The following GNL2 variants were observed in gnomAD, a reference collection of about 807,000 sequenced individuals.
GNL2 encodes the protein nucleolar GTP-binding protein 2.
Under a neutral mutation model 92.3 loss-of-function variants are expected in GNL2, and 51 were observed. That is an observed-to-expected ratio of 0.55 (90% confidence interval 0.44 to 0.70). GNL2 has a LOEUF of 0.70. Ranked by LOEUF, GNL2 falls within the 30% of genes least tolerant of loss-of-function variation. The pLI, the probability that GNL2 is intolerant of heterozygous loss-of-function variation, is 0.00. For synonymous variants in GNL2, 283 were observed against 300.6 expected, an observed-to-expected ratio of 0.94 and a Z score of 0.61; for missense variants, 844 against 895.6, an observed-to-expected ratio of 0.94 and a Z score of 0.74.
chr1:37,582,099 T>G, intron 8 of GNL2, 124 bp downstream of exon 8: 1 of 613,700 alleles, frequency 1.6e-6, no homozygotes, highest in Middle Eastern at 2.9e-4. Flanking sequence ...TAGCTAGGAC[T>G]ACAGACCTGC....
At chr1:37,567,806 A>C in intron 14 of GNL2, 42 bp from the exon 15 acceptor site, 1 of 1,504,982 alleles carries the variant, frequency 6.6e-7, no homozygotes, top group Non-Finnish European at 9.2e-7. Context: ...TCTATTGAAA[A>C]TTTGTCTATA....
Position 37,575,668 on chromosome 1 carries a change from A to G in GNL2, c.1070T>C (p.Ile357Thr). The G allele has an allele frequency of 1.2e-6, 2 of 1,603,554 alleles. 1 individual carries two copies. The highest frequency in any genetic ancestry group is 2.2e-5 in the South Asian group (2 of 89,234). ...VWQYITLMRR[I>T]FLIDCPGVVY... Reference sequence around the variant, plus strand: ...CACACCTGGACAGTCAATCAGGAATATCCGACGCATCAAAGTAATATACTG... The same window carrying G: ...CACACCTGGACAGTCAATCAGGAATGTCCGACGCATCAAAGTAATATACTG... The change falls in exon 10 of 16, where the codon ATA (isoleucine) becomes ACA (threonine). Residue 357 changes from isoleucine (I) to threonine (T), a missense_variant. By Grantham distance (89) the Ile-to-Thr change is moderately conservative. Coordinates refer to ENST00000373062, the MANE Select transcript of GNL2 (RefSeq NM_013285.3). The surrounding 1 kb of genome is among the most constrained non-coding windows in gnomAD (Gnocchi z 4.1).
At chr1:37,595,535 C>T (rs1376478816) in intron 1 of GNL2, among the ~76,000 whole-genome samples, 1 of 152,224 alleles carries the variant, frequency 6.6e-6, no homozygotes, top group Non-Finnish European at 1.5e-5. Context: ...GTTGACTACA[C>T]TTTGGCCTGC....
intron 8 of GNL2, 34 bp from the exon 9 acceptor site, chr1:37,576,590 C>G: frequency 6.2e-7 from 1 of 1,605,754 alleles, no homozygotes; most frequent in Non-Finnish European, 8.5e-7. Context: ...CACATACATG[C>G]AGTCATATAT....
chr1:37,582,240 G>A lies in GNL2; in HGVS notation c.892C>T (p.Leu298=). Reference sequence around the variant, plus strand: ...CTCAATACCTTTCCAAACTGCCGCAGAAGCTGAATGAATGCTCCCTTGCCA... The same window carrying A: ...CTCAATACCTTTCCAAACTGCCGCAAAAGCTGAATGAATGCTCCCTTGCCA... ...PFGKGAFIQL[L]RQFGKLHTDK... Residue 298 remains leucine, a synonymous_variant, in exon 8 of 16, where the codon CTG becomes TTG. Transcript: ENST00000373062. 6.2e-7 allele frequency: 1 copy of A among 1,610,640 alleles called. No homozygotes were observed.
At chr1:37,589,067 G>A (rs148870960) in intron 4 of GNL2, among the ~76,000 whole-genome samples, 35 of 152,312 alleles carry the variant, frequency 2.3e-4, no homozygotes, top group Non-Finnish European at 3.4e-4. Flanking sequence ...GGATTCAATA[G>A]TTGCTTAAAA....
At chr1:37,589,348 G>C (rs1213574977) in intron 4 of GNL2, among the ~76,000 whole-genome samples, 1 of 152,182 alleles carries the variant, frequency 6.6e-6, no homozygotes, top group East Asian at 1.9e-4. Flanking sequence ...TCTGTCGCCT[G>C]GGCTGGCACG....
In GNL2 at chr1:37,583,903, C is replaced by G. The variant is rs115297873; in HGVS notation, c.600G>C (p.Lys200Asn). The G allele has an allele frequency of 1.2e-3, 1,920 of 1,588,432 alleles. No homozygotes were observed. The highest frequency in any genetic ancestry group is 1.6e-3 in the Non-Finnish European group (1,851 of 1,156,386). The change falls in exon 6 of 16, where the codon AAG becomes AAC. Residue 200 changes from lysine to asparagine, a missense_variant. Physicochemically the swap from Lys to Asn is moderately conservative, Grantham distance 94. Transcript: ENST00000373062. ...CACCCCATATTCTTTTGGACTGTCC[C>G]TTTTTATAGATCTCTTCTTGAGCTT... Reference protein sequence around the residue: ...RNEAQEEIYKKGQSKRIWGEL... With the variant: ...RNEAQEEIYKNGQSKRIWGEL...
intron 3 of GNL2, among the ~76,000 whole-genome samples, chr1:37,591,885 G>C (rs905282122): frequency 3.3e-5 from 5 of 152,186 alleles, no homozygotes; most frequent in African/African-American, 4.8e-5. Context: ...TGAGAAAACT[G>C]ATGAACAGAC....
At chr1:37,587,767 C>T (rs965588744) in intron 4 of GNL2, among the ~76,000 whole-genome samples, 1 of 152,180 alleles carries the variant, frequency 6.6e-6, no homozygotes, top group Non-Finnish European at 1.5e-5. Context: ...AATAGTTGTA[C>T]AAAAACTTGC....
chr1:37,586,876 T>C (rs544866528), intron 5 of GNL2, among the ~76,000 whole-genome samples: 8 of 152,294 alleles, frequency 5.3e-5, no homozygotes, highest in East Asian at 1.9e-4. Context: ...GATAACTCCA[T>C]ATATGAGTTA....
chr1:37,571,159 C>T (rs1488226704), intron 12 of GNL2, among the ~76,000 whole-genome samples: 1 of 152,132 alleles, frequency 6.6e-6, no homozygotes, highest in Non-Finnish European at 1.5e-5. Flanking sequence ...GTGAAACTGC[C>T]TCCAAAGGGT....
At chr1:37,570,330 G>C (rs1359935764) in intron 12 of GNL2, 4 of 152,228 alleles carry the variant, frequency 2.6e-5, no homozygotes, top group Admixed American at 6.5e-5. Flanking sequence ...AGGAGTTCAA[G>C]ACCAGCTTGG....
chr1:37,585,059 CTTTT>C (rs556690435), intron 5 of GNL2, among the ~76,000 whole-genome samples: 4 of 125,784 alleles, frequency 3.2e-5, no homozygotes, highest in African/African-American at 5.7e-5. Context: ...TAGAAGAGTA[CTTTT>C]TTTTTTTTTT....
At chr1:37,583,777 C>CA in intron 6 of GNL2, 90 bp downstream of exon 6, 1 of 808,964 alleles carries the variant, frequency 1.2e-6, no homozygotes, top group Non-Finnish European at 2.2e-6. Context: ...CTCTGCGCAA[C>CA]AGAGCTTCAA....
chr1:37,573,709 A>G (rs1383785690), intron 12 of GNL2, among the ~76,000 whole-genome samples: 1 of 152,220 alleles, frequency 6.6e-6, no homozygotes, highest in East Asian at 1.9e-4. Context: ...CTTACATTTA[A>G]TGAGCCCTCT....
At chr1:37,595,363 C>G (rs148731903) in intron 1 of GNL2, among the ~76,000 whole-genome samples, 4 of 152,228 alleles carry the variant, frequency 2.6e-5, no homozygotes, top group African/African-American at 9.6e-5. Flanking sequence ...AGCCCTTTCT[C>G]ATTTTAAAGG....
rs377584624 is a variant in GNL2, at chr1:37,574,812, T to G, written c.1155A>C (p.Glu385Asp). 4.3e-6 allele frequency: 7 copies of G among 1,610,042 alleles called. No individual in the cohort carries two copies. The highest frequency in any genetic ancestry group is 5.1e-6 in the Non-Finnish European group (6 of 1,177,944). The change falls in exon 11 of 16, where the codon GAA becomes GAC. Residue 385 changes from glutamate (E) to aspartate (D), a missense_variant. Transcript: ENST00000373062. ...DIVLKGVVQVEKIKSPEDHIG... is the reference protein window; with the variant it reads ...DIVLKGVVQVDKIKSPEDHIG... ...TGTGGTCTTCAGGACTCTTAATTTTTTCTACTTGAACCTAAATGTTAATAG... is the reference window on the plus strand; with the variant it reads ...TGTGGTCTTCAGGACTCTTAATTTTGTCTACTTGAACCTAAATGTTAATAG...
intron 5 of GNL2, among the ~76,000 whole-genome samples, chr1:37,586,823 G>A (rs1643856512): frequency 6.6e-6 from 1 of 152,152 alleles, no homozygotes; most frequent in Admixed American, 6.5e-5. Context: ...GACATCTTCA[G>A]TCTAGCCCCA....
Sources: allele counts gnomAD v4.1 joint callset (sites outside exome capture counted in the v4.1 genomes callset), GRCh38; gene constraint gnomAD v4.1.1; non-coding constraint Gnocchi (gnomAD v3.1); transcripts MANE v1.5; gene names NCBI Gene and HGNC (gene_info 2026-07-23, HGNC 2026-07-21).